The following TPO variants were observed in gnomAD, a reference collection of about 807,000 sequenced individuals.
TPO encodes the protein thyroid microsomal antigen.
A neutral mutation model predicts 96.9 loss-of-function variants in TPO; 78 were observed. The observed-to-expected ratio is 0.81, with a 90% confidence interval of 0.67 to 0.97. The LOEUF (loss-of-function observed/expected upper bound fraction) is 0.97. Ranked by LOEUF, TPO falls within the 50% of genes least tolerant of loss-of-function variation. TPO has a pLI of 0.00. For synonymous variants in TPO, 547 were observed against 538.0 expected, an observed-to-expected ratio of 1.02 and a Z score of -0.23; for missense variants, 1,252 against 1,274.8, an observed-to-expected ratio of 0.98 and a Z score of 0.27.
intron 10 of TPO, among the ~76,000 whole-genome samples, chr2:1,489,882 G>A (rs373179576): frequency 2.0e-5 from 3 of 152,328 alleles, no homozygotes; most frequent in South Asian, 4.1e-4. Flanking sequence ...TCAACCTCAC[G>A]TTTGAGCGTT....
At chr2:1,499,088 A>C (rs1166432518) in intron 13 of TPO, among the ~76,000 whole-genome samples, 1 of 152,158 alleles carries the variant, frequency 6.6e-6, no homozygotes, top group East Asian at 1.9e-4. Context: ...GAATGACCCC[A>C]AAGTGCTACT....
chr2:1,520,315 T>C (rs1302562886), intron 15 of TPO, among the ~76,000 whole-genome samples: 2 of 152,098 alleles, frequency 1.3e-5, no homozygotes, highest in East Asian at 1.9e-4. Flanking sequence ...AAAAACATGA[T>C]CTTATTTCCA....
chr2:1,390,221 G>A (rs1472573494), intron 1 of TPO, among the ~76,000 whole-genome samples: 2 of 151,808 alleles, frequency 1.3e-5, no homozygotes, highest in African/African-American at 4.8e-5. Context: ...TCCTGTGTCC[G>A]AGTGATCTCA....
rs192375970 is a variant in TPO, at chr2:1,542,232, C to A, written c.2749-189C>A. The A allele has an allele frequency of 7.1e-4, 547 of 766,148 alleles. 7 individuals carry two copies. The East Asian group carries it at 0.013, about 19-fold the overall frequency. 47.5% of individuals were successfully genotyped at this position (766,148 alleles called of 1,614,324 possible). Reference sequence around the variant, plus strand: ...CACGTGGATCCTCTGTGGCCTCCTGCAAACAAGCATTTGTCCGGAAGCCAG... The same window carrying A: ...CACGTGGATCCTCTGTGGCCTCCTGAAAACAAGCATTTGTCCGGAAGCCAG... On this transcript the variant is annotated intron_variant, in intron 16 of 16. Coordinates refer to ENST00000329066, the MANE Select transcript of TPO (RefSeq NM_001206744.2).
At position 1,453,697 on chromosome 2, in the gene TPO, C is replaced by G; in HGVS notation, c.486C>G (p.Asp162Glu). 2 of 1,613,996 alleles carry G rather than the reference C, an allele frequency of 1.2e-6. No homozygotes were observed. The highest frequency in any genetic ancestry group is 1.7e-6 in the Non-Finnish European group (2 of 1,180,036). ...RPITGACNNR[D>E]HPRWGASNTA... Reference sequence around the variant, plus strand: ...ATCCTTGCATTTGTCTCCACAGAGACCACCCCAGATGGGGCGCCTCCAACA... The same window carrying G: ...ATCCTTGCATTTGTCTCCACAGAGAGCACCCCAGATGGGGCGCCTCCAACA... Residue 162 changes from aspartate to glutamate, a missense_variant, in exon 6 of 17, where the codon GAC becomes GAG. Asp to Glu is a conservative substitution (Grantham distance 45). Transcript: ENST00000329066.
In TPO at chr2:1,399,854, G is replaced by A. The variant is rs558479841; in HGVS notation, n.180+25452G>A. ...GCAAATAGGAACAAGGCACATCAAC[G>A]GGTGCACAGGAAAATCCTTACATGG... On this transcript the variant is annotated intron_variant and non_coding_transcript_variant, in intron 1 of 5. Coordinates refer to the TPO transcript ENST00000497517. Among the ~76,000 whole-genome samples, 81 of 152,318 alleles carry A rather than the reference G, an allele frequency of 5.3e-4. 1 individual carries two copies. In the South Asian group the frequency reaches 0.011, roughly 21 times the overall value.
intron 7 of TPO, among the ~76,000 whole-genome samples, chr2:1,475,510 G>A (rs995046344): frequency 3.3e-5 from 5 of 151,342 alleles, no homozygotes; most frequent in South Asian, 2.1e-4. Context: ...TGCAAGCTCC[G>A]CCTCCCAGGT....
intron 15 of TPO, among the ~76,000 whole-genome samples, chr2:1,529,998 C>G (rs4927596): frequency 0.35 from 46,044 of 132,396 alleles, 9,075 homozygotes; most frequent in Middle Eastern, 0.43. Flanking sequence ...GCAACCTCGC[C>G]CAATCACGAC....
intron 13 of TPO, 56 bp from the exon 14 acceptor site, chr2:1,503,892 G>A (rs561102389): frequency 1.1e-5 from 18 of 1,613,774 alleles, no homozygotes; most frequent in East Asian, 4.5e-5. Flanking sequence ...GGTCGCTCGC[G>A]GGAGATGGGG....
rs1347487841 is a variant in TPO, at chr2:1,526,178, ACCT to A, written c.2618+9201_2618+9203del. On this transcript the variant is annotated intron_variant, in intron 15 of 16. Coordinates refer to ENST00000329066, the MANE Select transcript of TPO (RefSeq NM_001206744.2). ...CCTCCAAATCCCCCCACTGTGTGCA[ACCT>A]CCTCAAATCCCCCCACTGTGTGCAA... Among the ~76,000 whole-genome samples the A allele has an allele frequency of 8.8e-4, 85 of 96,346 alleles. 1 individual carries two copies. Among genetic ancestry groups the A allele is most frequent in the African/African-American group, 3.5e-3 (81 of 23,202 alleles). 63.2% of individuals were successfully genotyped at this position (96,346 alleles called of 152,430 possible).
At chr2:1,397,598 C>T (rs1573059338) in intron 1 of TPO, among the ~76,000 whole-genome samples, 1 of 152,212 alleles carries the variant, frequency 6.6e-6, no homozygotes, top group African/African-American at 2.4e-5. Context: ...AGGAAAAGCA[C>T]AGAGGCTCAT....
chr2:1,488,134 G>A, intron 10 of TPO, 143 bp downstream of exon 10: 1 of 1,222,942 alleles, frequency 8.2e-7, no homozygotes, highest in Admixed American at 2.0e-5. Context: ...AAGGGCTCCA[G>A]TTCATTCAGC....
Position 1,484,682 on chromosome 2 carries a change from C to T in TPO, c.1425C>T (p.Ser475=). ...QYVGPYEGYD[S]TANPTVSNVF... is the part of the protein sequence containing the mutation. ...TGGGTCCCTATGAAGGCTATGACTC[C>T]ACCGCCAACCCCACTGTGTCCAACG... is the stretch of plus-strand genomic sequence containing the variant. The change falls in exon 9 of 17, where the codon TCC becomes TCT. Residue 475 remains serine (S), a synonymous_variant. Coordinates refer to ENST00000329066, the MANE Select transcript of TPO (RefSeq NM_001206744.2). 6.2e-7 allele frequency: 1 copy of T among 1,614,184 alleles called. No individual in the cohort carries two copies. Among genetic ancestry groups the T allele is most frequent in the Non-Finnish European group, 8.5e-7 (1 of 1,180,050 alleles).
chr2:1,449,756 A>G (rs4927608), intron 5 of TPO, among the ~76,000 whole-genome samples: 68,281 of 152,020 alleles, frequency 0.45, 15,535 homozygotes, highest in South Asian at 0.58. Context: ...GGGTATAAAC[A>G]ATGCCAGAAT....
intron 15 of TPO, among the ~76,000 whole-genome samples, chr2:1,525,941 A>C (rs1452177370): frequency 2.0e-5 from 2 of 97,998 alleles, no homozygotes; most frequent in Non-Finnish European, 4.0e-5. Context: ...ACCTCCTCAT[A>C]TCCCCCGACT....
At chr2:1,397,913 G>A (rs1007596963) in intron 1 of TPO, among the ~76,000 whole-genome samples, 1 of 152,164 alleles carries the variant, frequency 6.6e-6, no homozygotes, top group Non-Finnish European at 1.5e-5. Context: ...CTCCCATGGG[G>A]CGTACCTGGG....
At chr2:1,377,383 T>G (rs762133700) in intron 1 of TPO, among the ~76,000 whole-genome samples, 3 of 152,216 alleles carry the variant, frequency 2.0e-5, no homozygotes, top group Non-Finnish European at 4.4e-5. Context: ...CACAGTTTTA[T>G]GAAAGGCATT....
At chr2:1,506,343 T>TAC (rs778483831) in intron 14 of TPO, among the ~76,000 whole-genome samples, 40,956 of 146,664 alleles carry the variant, frequency 0.28, 5,898 homozygotes, top group Admixed American at 0.32. Context: ...GCAATAAACA[T>TAC]ATGTGTGCAT....
At chr2:1,524,163 A>ACTGTGTGCAACCTCCTCAAGTCCCCATC (rs1675862906) in intron 15 of TPO, among the ~76,000 whole-genome samples, 1 of 116,928 alleles carries the variant, frequency 8.6e-6, no homozygotes, top group Non-Finnish European at 1.7e-5. Context: ...AATCCCCCAA[A>ACTGTGTGCAACCTCCTCAAGTCCCCATC]CTGTGTGCAA....
Sources: allele counts gnomAD v4.1 joint callset (sites outside exome capture counted in the v4.1 genomes callset), GRCh38; gene constraint gnomAD v4.1.1; transcripts MANE v1.5; gene names NCBI Gene and HGNC (gene_info 2026-07-23, HGNC 2026-07-21).